SLC16A2: variants seen among roughly 807,000 people sequenced by gnomAD.
SLC16A2 encodes monocarboxylate transporter 8.
A neutral mutation model predicts 27.2 loss-of-function variants in SLC16A2; 3 were observed. The ratio of observed to expected loss-of-function variants is 0.11; its 90% CI spans 0.05 to 0.28. SLC16A2 has a LOEUF of 0.28. Ranked by LOEUF, SLC16A2 falls within the 10% of genes least tolerant of loss-of-function variation. The pLI is 1.00. For synonymous variants in SLC16A2, 202 were observed against 187.8 expected, an observed-to-expected ratio of 1.08 and a Z score of -0.62; for missense variants, 295 against 458.5, an observed-to-expected ratio of 0.64 and a Z score of 3.26.
At chrX:74,480,976 C>T (rs896773478) in intron 1 of SLC16A2, among the ~76,000 whole-genome samples, 58 of 112,375 alleles carry the variant, frequency 5.2e-4, no homozygotes, top group African/African-American at 1.7e-3. Context: ...CTGCATCTCT[C>T]GAAATAATCA....
chrX:74,442,280 G>A (rs1928765843), intron 1 of SLC16A2, among the ~76,000 whole-genome samples: 1 of 109,753 alleles, frequency 9.1e-6, no homozygotes, highest in Non-Finnish European at 1.9e-5. Flanking sequence ...CAGGAGAAGG[G>A]TGGGTGTCAG....
At chrX:74,494,974 C>T in intron 1 of SLC16A2, among the ~76,000 whole-genome samples, 1 of 111,658 alleles carries the variant, frequency 9.0e-6, no homozygotes, top group Non-Finnish European at 1.9e-5. Context: ...AGTCCAGGTC[C>T]TACCCAGGAT....
At chrX:74,496,963 C>G (rs560979818) in intron 1 of SLC16A2, among the ~76,000 whole-genome samples, 4 of 111,365 alleles carry the variant, frequency 3.6e-5, no homozygotes, top group African/African-American at 1.3e-4. Flanking sequence ...GTCCAGCTGC[C>G]CCTGTGTTCC....
intron 1 of SLC16A2, among the ~76,000 whole-genome samples, chrX:74,510,614 TA>T (rs1167708397): frequency 1.8e-5 from 2 of 111,852 alleles, no homozygotes; most frequent in Non-Finnish European, 3.8e-5. Flanking sequence ...TGACTCTCTG[TA>T]AAATTAGTAA....
chrX:74,511,025 T>C (rs1188472916), intron 1 of SLC16A2, among the ~76,000 whole-genome samples: 3 of 110,554 alleles, frequency 2.7e-5, no homozygotes, highest in African/African-American at 9.9e-5. Context: ...GAGCCATGAT[T>C]GTGCCACTGC....
chrX:74,526,126 C>T (rs1930484657), intron 4 of SLC16A2, among the ~76,000 whole-genome samples: 1 of 112,115 alleles, frequency 8.9e-6, no homozygotes, highest in African/African-American at 3.2e-5. Context: ...CCTATTAGAA[C>T]ACGTGTAAAG....
rs990227596 is a variant in SLC16A2 at position 74,509,623 on chromosome X, G to A, written c.431-11367G>A. Among the ~76,000 whole-genome samples, 23 of 111,120 alleles carry A rather than the reference G, an allele frequency of 2.1e-4. No homozygotes were observed. In the Admixed American group the frequency reaches 2.1e-3, roughly 10 times the overall value. On this transcript the variant is annotated intron_variant, in intron 1 of 5. Transcript: ENST00000587091. ...CTGTTGCCCAGGCTGGAGTGCAGCG[G>A]CGCAATCTCGGCTCACTGCAACCTC...
At chrX:74,430,791 G>C (rs762633638) in intron 1 of SLC16A2, among the ~76,000 whole-genome samples, 2 of 112,563 alleles carry the variant, frequency 1.8e-5, no homozygotes, top group South Asian at 7.4e-4. Context: ...ACCCAGGCTG[G>C]AGTGCAGTGG....
intron 1 of SLC16A2, among the ~76,000 whole-genome samples, chrX:74,480,041 T>G (rs919866689): frequency 2.7e-5 from 3 of 112,274 alleles, no homozygotes; most frequent in African/African-American, 9.7e-5. Context: ...GTCTGCAGGA[T>G]TTCTGCTGCC....
intron 1 of SLC16A2, among the ~76,000 whole-genome samples, chrX:74,495,868 G>C (rs1201647397): frequency 2.7e-5 from 3 of 111,226 alleles, no homozygotes; most frequent in Non-Finnish European, 5.7e-5. Flanking sequence ...CAGGCAACAG[G>C]CATTTTCATC....
At position 74,529,543 on chromosome X, in the gene SLC16A2, C is replaced by T. The variant is rs763542812; in HGVS notation, c.1399+102C>T. 1.1e-5 allele frequency: 7 copies of T among 615,045 alleles called. No homozygotes were observed. The South Asian group carries it at 1.2e-4, about 10-fold the overall frequency. The allele number at this position is 615,045 out of a possible 1,213,427, so 50.7% of individuals were successfully genotyped here. ...TCCTTGAGGCCCCTTTTCCTCTTAT[C>T]GTCTATTTAAGCAGCTTTGTCAGAG... On this transcript the variant is annotated intron_variant, in intron 5 of 5. Coordinates refer to ENST00000587091, the MANE Select transcript of SLC16A2 (RefSeq NM_006517.5).
chrX:74,464,050 G>A (rs1929205373), intron 1 of SLC16A2, among the ~76,000 whole-genome samples: 1 of 112,023 alleles, frequency 8.9e-6, no homozygotes, highest in South Asian at 3.7e-4. Context: ...TACTCTTTTT[G>A]TCTAGAGATT....
In SLC16A2 at chrX:74,444,538, C is replaced by T. The variant is rs1048052601; in HGVS notation, c.430+22471C>T. Among the ~76,000 whole-genome samples, 10 of 112,336 alleles carry T rather than the reference C, an allele frequency of 8.9e-5. No homozygotes were observed. The South Asian group carries it at 2.9e-3, about 33-fold the overall frequency. On this transcript the variant is annotated intron_variant, in intron 1 of 5. Coordinates refer to ENST00000587091, the MANE Select transcript of SLC16A2 (RefSeq NM_006517.5). ...TATCTGCAAATTTTACCACTATCTC[C>T]CTCCCTCCCTGACTTTGGGAAAGGT...
chrX:74,531,684 C>G lies in SLC16A2; in HGVS notation c.*131C>G. ...CACAGCATTTCAGCCACCTGACAAT[C>G]TCCTTGGAGTCAAAGCTCCAGGTGT... On this transcript the variant is annotated 3_prime_UTR_variant, in exon 6 of 6. Coordinates refer to ENST00000587091, the MANE Select transcript of SLC16A2 (RefSeq NM_006517.5). The G allele has an allele frequency of 1.8e-6, 1 of 543,451 alleles. No homozygotes were observed. Among genetic ancestry groups the G allele is most frequent in the Non-Finnish European group, 3.3e-6 (1 of 305,444 alleles). 44.8% of individuals were successfully genotyped at this position (543,451 alleles called of 1,213,427 possible).
intron 1 of SLC16A2, among the ~76,000 whole-genome samples, chrX:74,487,363 T>C (rs1377453476): frequency 9.0e-6 from 1 of 111,545 alleles, no homozygotes; most frequent in Non-Finnish European, 1.9e-5. Context: ...ATGAAACATA[T>C]TAACTGCTTC....
rs770200617 is a variant in SLC16A2, at chrX:74,491,619, C to T, written c.431-29371C>T. Among the ~76,000 whole-genome samples, 7 of 112,014 alleles carry T rather than the reference C, an allele frequency of 6.2e-5. No homozygotes were observed. In the East Asian group the frequency reaches 1.7e-3, roughly 27 times the overall value. On this transcript the variant is annotated intron_variant, in intron 1 of 5. Coordinates refer to ENST00000587091, the MANE Select transcript of SLC16A2 (RefSeq NM_006517.5). ...CTGAAACAGTCTCTCAGATTAAGTT[C>T]TAAAAGAGCCCTGGCTGAGGAGGAA... is the stretch of plus-strand genomic sequence containing the variant.
At chrX:74,423,778 C>T (rs973560247) in intron 1 of SLC16A2, among the ~76,000 whole-genome samples, 2 of 111,319 alleles carry the variant, frequency 1.8e-5, no homozygotes, top group African/African-American at 6.5e-5. Context: ...TAGGTTACCT[C>T]CAAGGGCACC....
At chrX:74,525,532 G>T (rs1200182375) in intron 3 of SLC16A2, among the ~76,000 whole-genome samples, 1 of 111,523 alleles carries the variant, frequency 9.0e-6, no homozygotes, top group African/African-American at 3.3e-5. Flanking sequence ...GGGCGTGGAG[G>T]TACCCACCCT....
Position 74,421,957 on chromosome X carries a change from C to T in SLC16A2, c.320C>T (p.Ala107Val). The change falls in exon 1 of 6, where the codon GCC becomes GTC. Residue 107 changes from alanine (A) to valine (V), a missense_variant. Coordinates refer to ENST00000587091, the MANE Select transcript of SLC16A2 (RefSeq NM_006517.5). ...GGFGWVVVFA[A>V]TWCNGSIFGI... ...TTCGGCTGGGTGGTGGTGTTCGCTGCCACCTGGTGCAACGGCTCCATCTTC... is the reference window on the plus strand; with the variant it reads ...TTCGGCTGGGTGGTGGTGTTCGCTGTCACCTGGTGCAACGGCTCCATCTTC... 5 of 1,211,098 alleles carry T rather than the reference C, an allele frequency of 4.1e-6. No individual in the cohort carries two copies. The highest frequency in any genetic ancestry group is 1.7e-5 in the African/African-American group (1 of 57,990).
Sources: gnomAD v4.1 joint callset for allele counts (sites outside exome capture counted in the v4.1 genomes callset) on GRCh38, gnomAD v4.1.1 for gene constraint, MANE v1.5 for transcripts, NCBI Gene and HGNC (gene_info 2026-07-23, HGNC 2026-07-21) for gene names.